The following EXOC2 variants were observed in gnomAD, a reference collection of about 807,000 sequenced individuals.
EXOC2 encodes SEC5-like 1.
Under a neutral mutation model 131.8 loss-of-function variants are expected in EXOC2, and 70 were observed. The ratio of observed to expected loss-of-function variants is 0.53; its 90% confidence interval spans 0.44 to 0.65. EXOC2 has a LOEUF of 0.65. Among genes scored for constraint, EXOC2 ranks in the 30% least tolerant of loss-of-function variants. EXOC2 has a pLI of 0.00. For synonymous variants in EXOC2, 411 were observed against 398.4 expected, an observed-to-expected ratio of 1.03 and a Z score of -0.38; for missense variants, 923 against 1,108.6, an observed-to-expected ratio of 0.83 and a Z score of 2.38.
intron 10 of EXOC2, among the ~76,000 whole-genome samples, chr6:596,374 GTCTTT>G (rs1451163187): frequency 2.0e-5 from 3 of 151,942 alleles, no homozygotes; most frequent in African/African-American, 7.3e-5. Flanking sequence ...TTTCAAGACA[GTCTTT>G]TCTTTTCAGA....
chr6:655,850 GA>G, intron 1 of EXOC2: 4 of 306,658 alleles, frequency 1.3e-5, no homozygotes, highest in Non-Finnish European at 1.2e-5. Flanking sequence ...TTTCCCCCCC[GA>G]AAAAAAGAGT....
At chr6:627,930 T>C (rs1561943715) in intron 4 of EXOC2, among the ~76,000 whole-genome samples, 1 of 152,268 alleles carries the variant, frequency 6.6e-6, no homozygotes, top group Non-Finnish European at 1.5e-5. Context: ...ATTGGATAAA[T>C]GTACATAATG....
intron 4 of EXOC2, among the ~76,000 whole-genome samples, chr6:625,084 T>G (rs2127691590): frequency 6.6e-6 from 1 of 152,324 alleles, no homozygotes; most frequent in South Asian, 2.1e-4. Flanking sequence ...TGTTTTCCAT[T>G]AGATGGCAGT....
intron 23 of EXOC2, 75 bp from the exon 24 acceptor site, chr6:499,775 C>CCCCA (rs1763939677): frequency 8.2e-7 from 1 of 1,219,850 alleles, no homozygotes. Context: ...GCAGGCTGTA[C>CCCCA]CCCATGCTTT....
intron 11 of EXOC2, among the ~76,000 whole-genome samples, chr6:591,544 C>G (rs1334132137): frequency 3.3e-5 from 5 of 152,154 alleles, no homozygotes; most frequent in Admixed American, 2.0e-4. Flanking sequence ...GAATGTCACT[C>G]CCCTGACCTC....
chr6:533,315 G>A (rs1766216209), intron 22 of EXOC2, among the ~76,000 whole-genome samples: 1 of 152,124 alleles, frequency 6.6e-6, no homozygotes, highest in South Asian at 2.1e-4. Flanking sequence ...AATTAAAAAG[G>A]AACCATTTAA....
intron 1 of EXOC2, among the ~76,000 whole-genome samples, chr6:673,751 C>T (rs1468279061): frequency 6.6e-6 from 1 of 151,948 alleles, no homozygotes; most frequent in African/African-American, 2.4e-5. Context: ...ATTTGCCTTC[C>T]CAATATGAAA....
chr6:496,345 T>G (rs1400574526), intron 25 of EXOC2, among the ~76,000 whole-genome samples: 4 of 152,248 alleles, frequency 2.6e-5, no homozygotes, highest in Non-Finnish European at 5.9e-5. Flanking sequence ...CTCTAAGGAC[T>G]GTTGATTTTT....
At chr6:681,794 A>G (rs538694435) in intron 1 of EXOC2, among the ~76,000 whole-genome samples, 8 of 152,364 alleles carry the variant, frequency 5.3e-5, no homozygotes, top group African/African-American at 1.9e-4. Context: ...TAGGGTTTTT[A>G]AAGTGCTGTC....
At chr6:597,712 C>T (rs1004181531) in intron 10 of EXOC2, among the ~76,000 whole-genome samples, 27 of 152,082 alleles carry the variant, frequency 1.8e-4, no homozygotes, top group African/African-American at 6.3e-4. Flanking sequence ...TTATGGGTAC[C>T]CACACCATCC....
At chr6:515,154 T>C (rs910917475) in intron 23 of EXOC2, among the ~76,000 whole-genome samples, 10 of 152,146 alleles carry the variant, frequency 6.6e-5, no homozygotes, top group African/African-American at 2.4e-4. Context: ...GGAATACACA[T>C]TTTTCAGCTG....
At chr6:579,299 G>T (rs1160826773) in intron 11 of EXOC2, among the ~76,000 whole-genome samples, 1 of 152,006 alleles carries the variant, frequency 6.6e-6, no homozygotes, top group Admixed American at 6.6e-5. Context: ...TTAAAAGATT[G>T]ATTTTTTTTC....
chr6:568,982 TG>T (rs1393815684), intron 13 of EXOC2, among the ~76,000 whole-genome samples: 1 of 152,196 alleles, frequency 6.6e-6, no homozygotes, highest in East Asian at 1.9e-4. Flanking sequence ...GAACTAGTTG[TG>T]GGGCAGACCG....
chr6:675,505 C>T (rs1764070973), intron 1 of EXOC2, among the ~76,000 whole-genome samples: 1 of 151,540 alleles, frequency 6.6e-6, no homozygotes. Flanking sequence ...TGCTTTAAAC[C>T]TCTTCAACAT....
intron 11 of EXOC2, among the ~76,000 whole-genome samples, chr6:582,086 C>G (rs1350122708): frequency 1.3e-5 from 2 of 152,142 alleles, no homozygotes; most frequent in African/African-American, 4.8e-5. Flanking sequence ...TAAAATTTAT[C>G]ATTTTTCTAA....
At chr6:581,106 C>T (rs1252768753) in intron 11 of EXOC2, among the ~76,000 whole-genome samples, 2 of 151,924 alleles carry the variant, frequency 1.3e-5, no homozygotes, top group African/African-American at 4.8e-5. Context: ...CCGGCCTGAC[C>T]AACATGGTGA....
intron 19 of EXOC2, among the ~76,000 whole-genome samples, chr6:555,666 A>G (rs1034997585): frequency 6.6e-6 from 1 of 152,246 alleles, no homozygotes; most frequent in Non-Finnish European, 1.5e-5. Context: ...GAACAACTAA[A>G]TATCATTTAA....
At chr6:489,178 C>A in intron 26 of EXOC2, 140 bp from the exon 27 acceptor site, 13 of 791,964 alleles carry the variant, frequency 1.6e-5, no homozygotes, top group East Asian at 5.8e-5. Flanking sequence ...AAGTGAAAAA[C>A]AATAGAAAAA....
chr6:489,689 A>G (rs1361431693), intron 26 of EXOC2, among the ~76,000 whole-genome samples: 1 of 152,254 alleles, frequency 6.6e-6, no homozygotes, highest in Non-Finnish European at 1.5e-5. Context: ...AGACTGTGGT[A>G]ATTAACTTGT....
Sources: gnomAD v4.1 joint callset for allele counts (sites outside exome capture counted in the v4.1 genomes callset) on GRCh38, gnomAD v4.1.1 for gene constraint, MANE v1.5 for transcripts, NCBI Gene and HGNC (gene_info 2026-07-23, HGNC 2026-07-21) for gene names.